TMPRSS15: variants seen among roughly 807,000 people sequenced by gnomAD.
TMPRSS15 encodes the protein enteropeptidase.
A neutral mutation model predicts 125.3 loss-of-function variants in TMPRSS15; 128 were observed. The ratio of observed to expected loss-of-function variants is 1.02; its 90% CI spans 0.89 to 1.18. The LOEUF (loss-of-function observed/expected upper bound fraction) is 1.18, where lower values mean the gene tolerates loss of function less well. TMPRSS15 is among the 50% of genes most tolerant of loss of function. The pLI, the probability that TMPRSS15 is intolerant of heterozygous loss-of-function variation, is 0.00. For missense variants in TMPRSS15, 1,283 were observed against 1,212.7 expected, an observed-to-expected ratio of 1.06 and a Z score of -0.86; for synonymous variants, 446 against 423.2, an observed-to-expected ratio of 1.05 and a Z score of -0.66.
rs148707123 is a variant in TMPRSS15 at position 18,385,630 on chromosome 21, C to A, written c.345-1852G>T. 6.6e-5 allele frequency among the ~76,000 whole-genome samples: 10 copies of A among 152,236 alleles called. No homozygotes were observed. In the South Asian group the frequency reaches 2.1e-3, roughly 32 times the overall value. ...CATGAGTGAGGCCATGGTTGATAAG[C>A]CAAAGATAGCGTAGCAGAAGAAGGA... On this transcript the variant is annotated intron_variant, in intron 3 of 24. Coordinates refer to ENST00000284885, the MANE Select transcript of TMPRSS15 (RefSeq NM_002772.3).
At chr21:18,397,808 T>C (rs1254933415) in intron 3 of TMPRSS15, 71 bp downstream of exon 3, 1 of 848,604 alleles carries the variant, frequency 1.2e-6, no homozygotes, top group African/African-American at 1.7e-5. Context: ...TATATAGTGA[T>C]GCTATTTTAC....
chr21:18,347,275 C>T (rs1023851777), intron 10 of TMPRSS15, among the ~76,000 whole-genome samples: 6 of 151,296 alleles, frequency 4.0e-5, no homozygotes, highest in African/African-American at 1.2e-4. Flanking sequence ...TTCACTCCAT[C>T]ATTCAGGCTG....
intron 1 of TMPRSS15, chr21:18,485,782 A>G: frequency 6.0e-6 from 1 of 165,698 alleles, no homozygotes. Context: ...TAAAGGAAAG[A>G]GGTTTAATTG....
intron 1 of TMPRSS15, among the ~76,000 whole-genome samples, chr21:18,441,276 C>T (rs570470681): frequency 1.8e-3 from 226 of 129,124 alleles, no homozygotes; most frequent in Non-Finnish European, 2.9e-3. Context: ...AGTGAAACTC[C>T]GTCTCAAACA....
At chr21:18,388,364 G>T (rs1275698773) in intron 3 of TMPRSS15, among the ~76,000 whole-genome samples, 1 of 152,112 alleles carries the variant, frequency 6.6e-6, no homozygotes, top group Non-Finnish European at 1.5e-5. Context: ...GTCATCTAGA[G>T]AAATAAAAGA....
chr21:18,296,976 C>G (rs1198043523), intron 19 of TMPRSS15, among the ~76,000 whole-genome samples: 3 of 152,142 alleles, frequency 2.0e-5, no homozygotes, highest in South Asian at 2.1e-4. Context: ...TACCATGAAA[C>G]AAAATATACC....
At position 18,365,764 on chromosome 21, in the gene TMPRSS15, A is replaced by G. The variant is rs2075730469; in HGVS notation, c.665-516T>C. On this transcript the variant is annotated intron_variant, in intron 6 of 24. Coordinates refer to ENST00000284885, the MANE Select transcript of TMPRSS15 (RefSeq NM_002772.3). ...TTTCCTTTTTTTTTTTTTTTTTGAG[A>G]CAGAGTTTCGCTCTTGTTGCGTGTG... is the stretch of plus-strand genomic sequence containing the variant. Among the ~76,000 whole-genome samples the G allele has an allele frequency of 3.7e-5, 4 of 107,522 alleles. No homozygotes were observed. The South Asian group carries it at 1.1e-3, about 30-fold the overall frequency. The allele number at this position is 107,522 out of a possible 152,430, so 70.5% of individuals were successfully genotyped here. A position where few individuals can be genotyped will look rare whatever the true frequency, so the allele number is the denominator to read the frequency against.
At chr21:18,300,132 T>TC (rs2074950663) in intron 18 of TMPRSS15, among the ~76,000 whole-genome samples, 2 of 7,362 alleles carry the variant, frequency 2.7e-4, no homozygotes, top group South Asian at 2.4e-3. Context: ...CTTGGATATA[T>TC]CCCCCGTCTC....
intron 1 of TMPRSS15, among the ~76,000 whole-genome samples, chr21:18,465,250 G>A (rs1370812047): frequency 6.6e-6 from 1 of 151,996 alleles, no homozygotes; most frequent in Non-Finnish European, 1.5e-5. Flanking sequence ...AGATACTGAT[G>A]GAACGTATCT....
chr21:18,477,128 A>G (rs1392155731), intron 1 of TMPRSS15, among the ~76,000 whole-genome samples: 1 of 152,176 alleles, frequency 6.6e-6, no homozygotes, highest in Non-Finnish European at 1.5e-5. Flanking sequence ...TTAAAGTGTC[A>G]TCTATGGCAA....
intron 6 of TMPRSS15, 37 bp downstream of exon 6, chr21:18,372,156 T>C (rs751092785): frequency 6.5e-7 from 1 of 1,535,092 alleles, no homozygotes; most frequent in Non-Finnish European, 8.9e-7. Flanking sequence ...TGAGGGAGGA[T>C]AAAACAGAAG....
chr21:18,314,334 A>G (rs1247348087), intron 17 of TMPRSS15, among the ~76,000 whole-genome samples: 1 of 152,104 alleles, frequency 6.6e-6, no homozygotes, highest in Non-Finnish European at 1.5e-5. Flanking sequence ...GCTGGAGTGC[A>G]ATGGCATGAT....
intron 1 of TMPRSS15, among the ~76,000 whole-genome samples, chr21:18,457,389 G>A (rs1046658661): frequency 3.9e-5 from 6 of 152,002 alleles, no homozygotes; most frequent in Non-Finnish European, 7.4e-5. Flanking sequence ...GAGAAATGAA[G>A]TTGTGCTAAA....
chr21:18,367,800 A>C (rs2075752735), intron 6 of TMPRSS15, among the ~76,000 whole-genome samples: 1 of 152,180 alleles, frequency 6.6e-6, no homozygotes, highest in South Asian at 2.1e-4. Flanking sequence ...AAACTGAGGC[A>C]CATATGGGTT....
chr21:18,427,573 C>T (rs1287354474), intron 1 of TMPRSS15, among the ~76,000 whole-genome samples: 2 of 152,138 alleles, frequency 1.3e-5, no homozygotes, highest in Non-Finnish European at 2.9e-5. Flanking sequence ...TACTACTTCA[C>T]CATCTGAAAT....
chr21:18,410,129 T>C (rs1355384235), intron 1 of TMPRSS15, among the ~76,000 whole-genome samples: 1 of 151,326 alleles, frequency 6.6e-6, no homozygotes, highest in African/African-American at 2.4e-5. Context: ...TTTTTTTTTT[T>C]TGCAATTTAA....
chr21:18,387,752 G>T (rs781113186), intron 3 of TMPRSS15, among the ~76,000 whole-genome samples: 8 of 151,976 alleles, frequency 5.3e-5, no homozygotes, highest in Non-Finnish European at 1.2e-4. Flanking sequence ...TCTAGTATTG[G>T]AGTGCTAGAA....
chr21:18,284,365 A>G (rs537601962), intron 21 of TMPRSS15, among the ~76,000 whole-genome samples: 1 of 152,348 alleles, frequency 6.6e-6, no homozygotes, highest in South Asian at 2.1e-4. Context: ...CCACTTGAGG[A>G]AGTTTCTAAA....
intron 1 of TMPRSS15, among the ~76,000 whole-genome samples, chr21:18,430,762 G>A (rs1221859679): frequency 6.6e-6 from 1 of 151,974 alleles, no homozygotes; most frequent in African/African-American, 2.4e-5. Context: ...GAGAGGTCTG[G>A]GCCCACCAAT....
Sources: gnomAD v4.1 joint callset for allele counts (sites outside exome capture counted in the v4.1 genomes callset) on GRCh38, gnomAD v4.1.1 for gene constraint, MANE v1.5 for transcripts, NCBI Gene and HGNC (gene_info 2026-07-23, HGNC 2026-07-21) for gene names.